Variants in MTMR12 observed in about 807,000 individuals in gnomAD.
MTMR12 encodes myotubularin-related protein 12.
A neutral mutation model predicts 96.7 loss-of-function variants in MTMR12; 33 were observed. The observed-to-expected ratio is 0.34, with a 90% CI of 0.26 to 0.46. The LOEUF (loss-of-function observed/expected upper bound fraction) is 0.46. MTMR12 is among the 20% of genes least tolerant of loss of function. MTMR12 has a pLI of 1.00. For missense variants in MTMR12, 721 were observed against 896.1 expected (o/e 0.80, Z 2.49); for synonymous variants, 298 against 327.2 (o/e 0.91, Z 0.96).
At chr5:32,273,361 G>A (rs1749915088) in intron 3 of MTMR12, among the ~76,000 whole-genome samples, 1 of 152,200 alleles carries the variant, frequency 6.6e-6, no homozygotes, top group Admixed American at 6.5e-5. Flanking sequence ...GAATGACAGA[G>A]TGAGACTCTG....
At position 32,312,907 on chromosome 5, in the gene MTMR12, G is replaced by A; in HGVS notation, c.-69C>T. The A allele has an allele frequency of 1.4e-6, 2 of 1,402,764 alleles. No individual in the cohort carries two copies. The highest frequency in any genetic ancestry group is 5.7e-5 in the Admixed American group (2 of 34,996). 86.9% of individuals were successfully genotyped at this position (1,402,764 alleles called of 1,614,324 possible). Reference sequence around the variant, plus strand: ...GGCTCGGGCTCCAGCTGGGGCAGCAGCGGCGGCCACCAGCACTAGCGGCTG... The same window carrying A: ...GGCTCGGGCTCCAGCTGGGGCAGCAACGGCGGCCACCAGCACTAGCGGCTG... On this transcript the variant is annotated 5_prime_UTR_variant, in exon 1 of 16. Transcript: ENST00000382142. This position sits in a 1 kb window ranked among gnomAD's most constrained non-coding sequence, Gnocchi z 5.0.
At chr5:32,247,919 G>A (rs1186098969) in intron 10 of MTMR12, 83 bp downstream of exon 10, 2 of 1,535,002 alleles carry the variant, frequency 1.3e-6, no homozygotes, top group Admixed American at 1.8e-5. Context: ...GGAACCCAGG[G>A]AAAAGGCACC....
At chr5:32,270,996 T>A (rs1482276245) in intron 4 of MTMR12, 49 bp from the exon 5 acceptor site, 16 of 1,558,302 alleles carry the variant, frequency 1.0e-5, no homozygotes, top group Non-Finnish European at 1.4e-5. Flanking sequence ...TACACAGCAA[T>A]AAGTGAATGC....
rs1749851428 is a variant in MTMR12 at position 32,271,918 on chromosome 5, A to G, written c.286-13T>C. On this transcript the variant is annotated splice_polypyrimidine_tract_variant and intron_variant, in intron 3 of 15. Coordinates refer to ENST00000382142, the MANE Select transcript of MTMR12 (RefSeq NM_001040446.3). ...TAAATTGAGTTTCCTAGAAGATTCA[A>G]AAGGAAACAACTGTGACTCCTCTGC... is the stretch of plus-strand genomic sequence containing the variant. The G allele has an allele frequency of 6.8e-7, 1 of 1,470,352 alleles. No individual in the cohort carries two copies. Among genetic ancestry groups the G allele is most frequent in the Non-Finnish European group, 9.3e-7 (1 of 1,069,968 alleles). 91.1% of individuals were successfully genotyped at this position (1,470,352 alleles called of 1,614,324 possible). A position where few individuals can be genotyped will look rare whatever the true frequency, so the allele number is the denominator to read the frequency against.
At chr5:32,245,048 G>T (rs532284468) in intron 10 of MTMR12, among the ~76,000 whole-genome samples, 17 of 151,618 alleles carry the variant, frequency 1.1e-4, no homozygotes, top group African/African-American at 4.1e-4. Flanking sequence ...TTTTTTTTGA[G>T]ATGGAGTTTT....
Position 32,302,605 on chromosome 5 carries a change from TA to T in MTMR12, c.81+10152del, listed in dbSNP as rs373884917. Among the ~76,000 whole-genome samples, 234 of 152,012 alleles carry T rather than the reference TA, an allele frequency of 1.5e-3. 1 individual carries two copies. The highest frequency in any genetic ancestry group is 5.6e-3 in the African/African-American group (230 of 41,438). The stretch of plus-strand genomic sequence containing the variant: ...GGTGGCACGAGCCTGTAATCCCAGC[TA>T]CTTGGGAGGCTGAGGCAGGCGAATC... On this transcript the variant is annotated intron_variant, in intron 1 of 15. Coordinates refer to ENST00000382142, the MANE Select transcript of MTMR12 (RefSeq NM_001040446.3).
chr5:32,270,733 C>G, intron 5 of MTMR12, 84 bp downstream of exon 5: 1 of 1,452,330 alleles, frequency 6.9e-7, no homozygotes, highest in Non-Finnish European at 9.3e-7. Flanking sequence ...CTCCCCTCAA[C>G]CTTCATGCAA....
intron 8 of MTMR12, among the ~76,000 whole-genome samples, chr5:32,252,950 A>G (rs1361970968): frequency 1.3e-5 from 2 of 152,248 alleles, no homozygotes; most frequent in Admixed American, 6.5e-5. Context: ...ACGGACACTC[A>G]CATCAACTAG....
At chr5:32,240,765 T>C (rs1471376480) in intron 12 of MTMR12, among the ~76,000 whole-genome samples, 2 of 152,128 alleles carry the variant, frequency 1.3e-5, no homozygotes, top group Admixed American at 6.6e-5. Flanking sequence ...CAAGCCCGAC[T>C]AATTTTTGCA....
chr5:32,274,665 G>A (rs1040045989), intron 2 of MTMR12, among the ~76,000 whole-genome samples: 5 of 152,138 alleles, frequency 3.3e-5, no homozygotes, highest in African/African-American at 7.2e-5. Flanking sequence ...AGGTGTTGCC[G>A]CCTTCCACAG....
At chr5:32,279,413 G>A (rs986820562) in intron 1 of MTMR12, among the ~76,000 whole-genome samples, 6 of 151,714 alleles carry the variant, frequency 4.0e-5, no homozygotes, top group Non-Finnish European at 7.4e-5. Context: ...GAGCAAAACC[G>A]TGTCTCAAAA....
chr5:32,229,755 T>C lies in MTMR12; in HGVS notation c.*23A>G. 6.7e-7 allele frequency: 1 copy of C among 1,496,358 alleles called. No individual in the cohort carries two copies. Among genetic ancestry groups the C allele is most frequent in the Non-Finnish European group, 8.9e-7 (1 of 1,121,958 alleles). 92.7% of individuals were successfully genotyped at this position (1,496,358 alleles called of 1,614,324 possible). Reference sequence around the variant, plus strand: ...CTGTCCCAATCTCCCACATTCCTCTTTCACAATCACTCAACAAACAGGTCA... The same window carrying C: ...CTGTCCCAATCTCCCACATTCCTCTCTCACAATCACTCAACAAACAGGTCA... On this transcript the variant is annotated 3_prime_UTR_variant, in exon 16 of 16. Transcript: ENST00000382142.
At chr5:32,290,888 G>A (rs920899838) in intron 1 of MTMR12, among the ~76,000 whole-genome samples, 13 of 152,214 alleles carry the variant, frequency 8.5e-5, no homozygotes, top group African/African-American at 3.1e-4. Context: ...GGCTTTGGTA[G>A]AAACTGAATG....
At position 32,228,167 on chromosome 5, in the gene MTMR12, T is replaced by G. The variant is rs1330022029; in HGVS notation, c.*1611A>C. 6.6e-6 allele frequency: 1 copy of G among 152,014 alleles called. No homozygotes were observed. Among genetic ancestry groups the G allele is most frequent in the Non-Finnish European group, 1.5e-5 (1 of 68,034 alleles). 9.4% of individuals were successfully genotyped at this position (152,014 alleles called of 1,614,324 possible). A position where few individuals can be genotyped will look rare whatever the true frequency, so the allele number is the denominator to read the frequency against. The stretch of plus-strand genomic sequence containing the variant: ...TGCACCACCACACCCAGCTAATTTT[T>G]GTATTTTTAGTAGAGACAGGGTTTT... On this transcript the variant is annotated 3_prime_UTR_variant, in exon 16 of 16. Transcript: ENST00000382142.
intron 13 of MTMR12, among the ~76,000 whole-genome samples, chr5:32,236,442 A>C (rs1306772659): frequency 6.6e-6 from 1 of 152,100 alleles, no homozygotes; most frequent in African/African-American, 2.4e-5. Context: ...AGCTACTCAG[A>C]AGGCTGAGGC....
Position 32,233,106 on chromosome 5 carries a change from G to A in MTMR12, c.1674+667C>T. On this transcript the variant is annotated intron_variant, in intron 15 of 15. Coordinates refer to ENST00000382142, the MANE Select transcript of MTMR12 (RefSeq NM_001040446.3). The surrounding 1 kb of genome is among the most constrained non-coding windows in gnomAD (Gnocchi z 5.0). ...GACTTTCTGACATTTGTGGCTCATAGCATAGGTCAGCAAACTGGCCACCCC... is the reference window on the plus strand; with the variant it reads ...GACTTTCTGACATTTGTGGCTCATAACATAGGTCAGCAAACTGGCCACCCC... The A allele has an allele frequency of 1.3e-6, 1 of 794,254 alleles. No individual in the cohort carries two copies. The highest frequency in any genetic ancestry group is 1.9e-5 in the African/African-American group (1 of 53,414). 49.2% of individuals were successfully genotyped at this position (794,254 alleles called of 1,614,324 possible).
chr5:32,292,059 C>T (rs970861067), intron 1 of MTMR12, among the ~76,000 whole-genome samples: 2 of 152,270 alleles, frequency 1.3e-5, no homozygotes, highest in African/African-American at 2.4e-5. Flanking sequence ...TAAAGAAGTG[C>T]GGCAGTGGGT....
intron 1 of MTMR12, among the ~76,000 whole-genome samples, chr5:32,291,811 A>G (rs761762988): frequency 5.8e-4 from 89 of 152,296 alleles, no homozygotes; most frequent in Non-Finnish European, 1.0e-3. Context: ...TCGATATGGC[A>G]CCATTCCTCA....
intron 1 of MTMR12, among the ~76,000 whole-genome samples, chr5:32,284,690 G>A (rs1469329582): frequency 3.3e-5 from 5 of 152,124 alleles, no homozygotes; most frequent in African/African-American, 4.8e-5. Flanking sequence ...GTTAGTAGAT[G>A]TTGACAACCT....
Sources: gnomAD v4.1 joint callset for allele counts (sites outside exome capture counted in the v4.1 genomes callset) on GRCh38, gnomAD v4.1.1 for gene constraint, Gnocchi (gnomAD v3.1) non-coding constraint, MANE v1.5 for transcripts, NCBI Gene and HGNC (gene_info 2026-07-23, HGNC 2026-07-21) for gene names.